SUGCT: variants seen among roughly 807,000 people sequenced by gnomAD.
SUGCT encodes succinyl-CoA:glutarate CoA-transferase.
Under a neutral mutation model 55.0 loss-of-function variants are expected in SUGCT, and 41 were observed. That is an observed-to-expected ratio of 0.74 (90% CI 0.58 to 0.97). SUGCT has a LOEUF of 0.97. Ranked by LOEUF, SUGCT falls within the 50% of genes least tolerant of loss-of-function variation. The probability of loss-of-function intolerance (pLI) is 0.00; values close to 1 mark genes in which losing one functional copy is unlikely to be tolerated. For missense variants in SUGCT, 568 were observed against 547.8 expected, an observed-to-expected ratio of 1.04 and a Z score of -0.37; for synonymous variants, 187 against 200.4, an observed-to-expected ratio of 0.93 and a Z score of 0.56.
intron 9 of SUGCT, among the ~76,000 whole-genome samples, chr7:40,412,613 C>A (rs1786758162): frequency 6.6e-6 from 1 of 151,976 alleles, no homozygotes; most frequent in Non-Finnish European, 1.5e-5. Context: ...TTTATGTCTC[C>A]CATAATTCTT....
intron 6 of SUGCT, among the ~76,000 whole-genome samples, chr7:40,222,654 T>C (rs1336244816): frequency 6.6e-6 from 1 of 152,158 alleles, no homozygotes; most frequent in Non-Finnish European, 1.5e-5. Context: ...CCAGCCTGGC[T>C]AACATGGCGA....
At chr7:40,790,656 C>CA (rs1252847148) in intron 13 of SUGCT, among the ~76,000 whole-genome samples, 2 of 152,076 alleles carry the variant, frequency 1.3e-5, no homozygotes, top group African/African-American at 4.8e-5. Flanking sequence ...TGAAATAATT[C>CA]AAAAATATTA....
At chr7:40,381,801 G>A (rs529277084) in intron 9 of SUGCT, among the ~76,000 whole-genome samples, 1 of 152,082 alleles carries the variant, frequency 6.6e-6, no homozygotes, top group Non-Finnish European at 1.5e-5. Context: ...ATAACTATAT[G>A]CCATTTGGAA....
chr7:40,981,208 C>T, the SUGCT span, among the ~76,000 whole-genome samples: 1 of 152,166 alleles, frequency 6.6e-6, no homozygotes, highest in Admixed American at 6.5e-5. Flanking sequence ...ATAGGATTGG[C>T]AGCCCTGATG....
chr7:40,565,993 GCACA>G (rs376444246), intron 12 of SUGCT, among the ~76,000 whole-genome samples: 47,379 of 123,756 alleles, frequency 0.38, 9,720 homozygotes, highest in Non-Finnish European at 0.46. Context: ...ACACACACAC[GCACA>G]CACACACACA....
At chr7:40,570,146 C>T (rs73308284) in intron 12 of SUGCT, among the ~76,000 whole-genome samples, 14,482 of 152,204 alleles carry the variant, frequency 0.095, 737 homozygotes, top group African/African-American at 0.11. Flanking sequence ...GTTGCTACTC[C>T]GTTTTAAGAC....
chr7:40,177,561 A>C (rs570457072), intron 1 of SUGCT, among the ~76,000 whole-genome samples: 1 of 152,280 alleles, frequency 6.6e-6, no homozygotes, highest in Non-Finnish European at 1.5e-5. Flanking sequence ...ATTGCTGCTC[A>C]TGTATACCTT....
intron 1 of SUGCT, among the ~76,000 whole-genome samples, chr7:40,146,976 G>T (rs760133388): frequency 6.6e-6 from 1 of 151,862 alleles, no homozygotes; most frequent in Admixed American, 6.6e-5. Flanking sequence ...TTGACTTCCT[G>T]TCTCTTTCTG....
intron 9 of SUGCT, among the ~76,000 whole-genome samples, chr7:40,440,164 T>G (rs1278583317): frequency 2.9e-5 from 4 of 140,184 alleles, no homozygotes; most frequent in African/African-American, 5.5e-5. Context: ...TTTTTTTTTT[T>G]TTTTTTTTTT....
intron 13 of SUGCT, among the ~76,000 whole-genome samples, chr7:40,858,634 G>A (rs1234978076): frequency 6.6e-6 from 1 of 152,000 alleles, no homozygotes; most frequent in African/African-American, 2.4e-5. Context: ...AATGAGTAAG[G>A]GTCAGATGCC....
At chr7:40,942,025 T>A in the SUGCT span, among the ~76,000 whole-genome samples, 1 of 152,134 alleles carries the variant, frequency 6.6e-6, no homozygotes, top group African/African-American at 2.4e-5. Context: ...ATTCTGCCAA[T>A]CTGTATTTTT....
intron 13 of SUGCT, among the ~76,000 whole-genome samples, chr7:40,750,797 G>A (rs1787975348): frequency 6.6e-6 from 1 of 152,072 alleles, no homozygotes; most frequent in South Asian, 2.1e-4. Flanking sequence ...CATGTTCTAG[G>A]GAAATGTTAT....
intron 12 of SUGCT, among the ~76,000 whole-genome samples, chr7:40,637,863 A>T (rs183213532): frequency 3.9e-5 from 6 of 152,380 alleles, no homozygotes; most frequent in African/African-American, 1.4e-4. Context: ...ACGTTTCTAT[A>T]CAATCAGCCA....
chr7:40,714,788 A>G (rs1180474760), intron 12 of SUGCT, among the ~76,000 whole-genome samples: 1 of 152,234 alleles, frequency 6.6e-6, no homozygotes, highest in Non-Finnish European at 1.5e-5. Flanking sequence ...ATGCTAGCCA[A>G]GTCAAACTGT....
chr7:40,940,673 T>A, the SUGCT span, among the ~76,000 whole-genome samples: 1 of 151,262 alleles, frequency 6.6e-6, no homozygotes, highest in African/African-American at 2.4e-5. Context: ...TTGATTTCAT[T>A]CTCAGATTGG....
At chr7:40,416,987 A>G (rs1264184905) in intron 9 of SUGCT, among the ~76,000 whole-genome samples, 1 of 151,808 alleles carries the variant, frequency 6.6e-6, no homozygotes, top group Non-Finnish European at 1.5e-5. Context: ...GGTAATTTGT[A>G]TTTTTCTAGA....
chr7:40,587,635 G>A (rs1209059706), intron 12 of SUGCT, among the ~76,000 whole-genome samples: 1 of 152,122 alleles, frequency 6.6e-6, no homozygotes, highest in Non-Finnish European at 1.5e-5. Flanking sequence ...GGTGAAAGAG[G>A]AAGTGATGTT....
intron 9 of SUGCT, among the ~76,000 whole-genome samples, chr7:40,346,415 G>C (rs1398559184): frequency 6.6e-6 from 1 of 151,736 alleles, no homozygotes; most frequent in Non-Finnish European, 1.5e-5. Flanking sequence ...ATTCCTAACA[G>C]AGAGAAAATT....
At chr7:40,975,084 A>G in the SUGCT span, among the ~76,000 whole-genome samples, 1 of 152,218 alleles carries the variant, frequency 6.6e-6, no homozygotes, top group African/African-American at 2.4e-5. Flanking sequence ...TCAGTAACAA[A>G]TAGAATCTGA....
Sources: allele counts gnomAD v4.1 joint callset (sites outside exome capture counted in the v4.1 genomes callset), GRCh38; gene constraint gnomAD v4.1.1; transcripts MANE v1.5; gene names NCBI Gene and HGNC (gene_info 2026-07-23, HGNC 2026-07-21).